Variants in LINGO2 observed in about 807,000 individuals in gnomAD.
The protein encoded by LINGO2 is leucine rich repeat and Ig domain containing 2, also known as leucine-rich repeat and immunoglobulin-like domain-containing nogo receptor-interacting protein 2.
Under a neutral mutation model 30.6 loss-of-function variants are expected in LINGO2, and 14 were observed. That is an observed-to-expected ratio of 0.46 (90% CI 0.30 to 0.72). The LOEUF is 0.72. Ranked by LOEUF, LINGO2 falls within the 30% of genes least tolerant of loss-of-function variation. The pLI, the probability that LINGO2 is intolerant of heterozygous loss-of-function variation, is 0.07. For missense variants in LINGO2, 729 were observed against 751.7 expected (o/e 0.97, Z 0.35); for synonymous variants, 317 against 288.5 (o/e 1.10, Z -1.00).
the LINGO2 span, among the ~76,000 whole-genome samples, chr9:28,769,512 ATATATATTTTTTTTTTTTTTT>A: frequency 0.058 from 131 of 2,248 alleles, 15 homozygotes; most frequent in East Asian, 0.17. Context: ...ATATATATAT[ATATATATTTTTTTTTTTTTTT>A]TTTTTTTTTT....
Position 28,147,412 on chromosome 9 carries a change from C to T in LINGO2, c.-86-135007G>A, listed in dbSNP as rs554736229. Among the ~76,000 whole-genome samples the T allele has an allele frequency of 4.5e-4, 68 of 152,328 alleles. No homozygotes were observed. Among genetic ancestry groups the T allele is most frequent in the African/African-American group, 1.6e-3 (65 of 41,580 alleles). ...GGCGCATCCAGTCAGGTCAGGGCAC[C>T]GCGTTCTCTCTTTGGAAACCTGTGG... is the stretch of plus-strand genomic sequence containing the variant. On this transcript the variant is annotated intron_variant, in intron 4 of 5. Coordinates refer to ENST00000379992, the Ensembl canonical transcript of LINGO2. This position sits in a 1 kb window ranked among gnomAD's most constrained non-coding sequence, Gnocchi z 4.7.
At chr9:28,188,975 G>C (rs1819644503) in intron 4 of LINGO2, among the ~76,000 whole-genome samples, 1 of 152,014 alleles carries the variant, frequency 6.6e-6, no homozygotes, top group Non-Finnish European at 1.5e-5. Context: ...AGAGAGGTGG[G>C]AAGGAAAAAA....
chr9:29,019,930 T>C, the LINGO2 span, among the ~76,000 whole-genome samples: 1 of 152,162 alleles, frequency 6.6e-6, no homozygotes, highest in Non-Finnish European at 1.5e-5. Context: ...AGATTTTCAG[T>C]GGATTTGCTG....
intron 4 of LINGO2, among the ~76,000 whole-genome samples, chr9:28,133,561 AAG>A (rs1404212013): frequency 6.6e-6 from 1 of 152,168 alleles, no homozygotes; most frequent in African/African-American, 2.4e-5. Flanking sequence ...CTTTCACACT[AAG>A]AGTGAAATTT....
rs182797170 is a variant in LINGO2 at position 28,660,066 on chromosome 9, G to A, written c.-365+10134C>T. Reference sequence around the variant, plus strand: ...TTCATGTATATTAAACAAAAATGAAGTTGTCATCGGGATTAAAAACTGTAA... The same window carrying A: ...TTCATGTATATTAAACAAAAATGAAATTGTCATCGGGATTAAAAACTGTAA... On this transcript the variant is annotated intron_variant, in intron 1 of 5. Coordinates refer to ENST00000379992, the Ensembl canonical transcript of LINGO2. 5.5e-3 allele frequency among the ~76,000 whole-genome samples: 844 copies of A among 152,140 alleles called. 5 individuals are homozygous for A. Among genetic ancestry groups the A allele is most frequent in the Non-Finnish European group, 7.3e-3 (493 of 67,962 alleles).
chr9:28,667,654 G>A (rs1363247069), intron 1 of LINGO2, among the ~76,000 whole-genome samples: 1 of 152,074 alleles, frequency 6.6e-6, no homozygotes, highest in East Asian at 1.9e-4. Context: ...TGAGGCATGA[G>A]AATTGCTTGA....
At chr9:28,591,790 A>T (rs941963808) in intron 1 of LINGO2, among the ~76,000 whole-genome samples, 1 of 151,954 alleles carries the variant, frequency 6.6e-6, no homozygotes, top group Non-Finnish European at 1.5e-5. Context: ...TGTTTTGTAG[A>T]GCTTATTTGA....
At chr9:29,022,977 CAAA>C in the LINGO2 span, among the ~76,000 whole-genome samples, 8 of 133,238 alleles carry the variant, frequency 6.0e-5, no homozygotes, top group Admixed American at 2.2e-4. Context: ...CTCTTTGAGC[CAAA>C]AAAAAAAAAA....
At chr9:28,911,487 A>T in the LINGO2 span, among the ~76,000 whole-genome samples, 1 of 152,158 alleles carries the variant, frequency 6.6e-6, no homozygotes, top group Admixed American at 6.5e-5. Flanking sequence ...ACTATCTAGA[A>T]AGAAGGAGAT....
the LINGO2 span, among the ~76,000 whole-genome samples, chr9:28,988,262 A>C: frequency 6.6e-6 from 1 of 152,012 alleles, no homozygotes; most frequent in Non-Finnish European, 1.5e-5. Flanking sequence ...TGATTACTTC[A>C]TCTTTTCATA....
chr9:29,180,897 A>G, the LINGO2 span, among the ~76,000 whole-genome samples: 1 of 152,174 alleles, frequency 6.6e-6, no homozygotes, highest in Non-Finnish European at 1.5e-5. Flanking sequence ...AACAACAACA[A>G]AACAAAACAA....
chr9:28,605,402 G>C (rs1825655352), intron 1 of LINGO2, among the ~76,000 whole-genome samples: 1 of 151,890 alleles, frequency 6.6e-6, no homozygotes, highest in Admixed American at 6.6e-5. Context: ...CAAGTTAGGG[G>C]AGAGACTCTG....
chr9:28,979,233 C>T, the LINGO2 span, among the ~76,000 whole-genome samples: 1 of 151,974 alleles, frequency 6.6e-6, no homozygotes, highest in South Asian at 2.1e-4. Context: ...CAAGGAAATA[C>T]TACATTTTAT....
chr9:28,156,252 A>C (rs917285022), intron 4 of LINGO2, among the ~76,000 whole-genome samples: 1 of 152,210 alleles, frequency 6.6e-6, no homozygotes, highest in African/African-American at 2.4e-5. Context: ...TATCCTCCCT[A>C]AACGTGAATA....
intron 1 of LINGO2, among the ~76,000 whole-genome samples, chr9:28,621,836 TTCTG>T (rs1169014226): frequency 6.6e-6 from 1 of 152,026 alleles, no homozygotes; most frequent in Admixed American, 6.6e-5. Context: ...TGTCACAGCA[TTCTG>T]TCTAAAAATG....
chr9:27,994,374 C>T (rs950948034), intron 5 of LINGO2, among the ~76,000 whole-genome samples: 6 of 151,928 alleles, frequency 3.9e-5, no homozygotes, highest in African/African-American at 1.4e-4. Context: ...AATTGACAAA[C>T]ATTTGACTAG....
intron 4 of LINGO2, among the ~76,000 whole-genome samples, chr9:28,019,588 G>A (rs1336315964): frequency 1.3e-5 from 2 of 151,954 alleles, no homozygotes; most frequent in African/African-American, 4.8e-5. Flanking sequence ...CAAATAAAGT[G>A]GTCAGATGCA....
chr9:28,139,457 A>G (rs1563997114), intron 4 of LINGO2, among the ~76,000 whole-genome samples: 1 of 152,236 alleles, frequency 6.6e-6, no homozygotes, highest in Admixed American at 6.5e-5. Context: ...ACAGCCTGGT[A>G]TATCAGCTAC....
chr9:28,452,325 C>A (rs1169183212), intron 2 of LINGO2, among the ~76,000 whole-genome samples: 2 of 151,700 alleles, frequency 1.3e-5, no homozygotes, highest in Non-Finnish European at 3.0e-5. Flanking sequence ...CTTTCACGAA[C>A]TACATTTAGT....
Sources: allele counts gnomAD v4.1 joint callset (sites outside exome capture counted in the v4.1 genomes callset), GRCh38; gene constraint gnomAD v4.1.1; non-coding constraint Gnocchi (gnomAD v3.1); transcripts MANE v1.5; gene names NCBI Gene and HGNC (gene_info 2026-07-23, HGNC 2026-07-21).